The following KCNK17 variants were observed in gnomAD, a reference collection of about 807,000 sequenced individuals.
KCNK17 encodes the protein potassium two pore domain channel subfamily K member 17, also known as potassium channel subfamily K member 17.
A neutral mutation model predicts 24.6 loss-of-function variants in KCNK17; 27 were observed. The observed-to-expected ratio is 1.10, with a 90% CI of 0.81 to 1.51. KCNK17 has a LOEUF of 1.51. Among genes scored for constraint, KCNK17 ranks in the 40% most tolerant of loss-of-function variants. The probability of loss-of-function intolerance (pLI) is 0.00; values close to 1 mark genes in which losing one functional copy is unlikely to be tolerated. For synonymous variants in KCNK17, 181 were observed against 189.8 expected (o/e 0.95, Z 0.38); for missense variants, 450 against 436.6 (o/e 1.03, Z -0.27).
intron 4 of KCNK17, among the ~76,000 whole-genome samples, 188 bp from the exon 5 acceptor site, chr6:39,299,925 G>C (rs1761921576): frequency 6.6e-6 from 1 of 152,216 alleles, no homozygotes; most frequent in African/African-American, 2.4e-5. Context: ...ATTGGCACTT[G>C]GGTTTAGGAG....
chr6:39,303,970 G>A lies in KCNK17; in HGVS notation c.675C>T (p.Gly225=), dbSNP rs370882564. ...AFITLSTVGF[G]DYVIGMNPSQ... ...AGGAACTCTCACCAATCACGTAGTC[G>A]CCGAAGCCCACGGTGCTGAGGGTGA... The change falls in exon 4 of 5, where the codon GGC becomes GGT. Residue 225 remains glycine, a synonymous_variant. Coordinates refer to ENST00000373231, the MANE Select transcript of KCNK17 (RefSeq NM_031460.4). The A allele has an allele frequency of 1.3e-4, 211 of 1,612,632 alleles. 4 individuals carry two copies. In the South Asian group the frequency reaches 2.0e-3, roughly 15 times the overall value.
At position 39,304,035 on chromosome 6, in the gene KCNK17, C is replaced by T. The variant is rs755880542; in HGVS notation, c.610G>A (p.Glu204Lys). The T allele has an allele frequency of 6.2e-7, 1 of 1,613,920 alleles. No individual in the cohort carries two copies. The highest frequency in any genetic ancestry group is 1.1e-5 in the South Asian group (1 of 91,088). Reference protein sequence around the residue: ...LLPPLLFSHMEGWSYTEGFYF... With the variant: ...LLPPLLFSHMKGWSYTEGFYF... ...AAGCCCTCTGTGTAGCTCCAGCCCT[C>T]CATGTGGGAGAAGAGCAGCGGTGGC... Residue 204 changes from glutamate to lysine, a missense_variant, in exon 4 of 5, where the codon GAG becomes AAG. Glu to Lys is a moderately conservative substitution (Grantham distance 56, BLOSUM62 1). Coordinates refer to ENST00000373231, the MANE Select transcript of KCNK17 (RefSeq NM_031460.4).
chr6:39,303,868 C>T (rs1292298431), intron 4 of KCNK17, 89 bp downstream of exon 4: 2 of 1,443,934 alleles, frequency 1.4e-6, no homozygotes, highest in Non-Finnish European at 9.5e-7. Context: ...ATGGCGTGCA[C>T]ACAGCAGGTG....
intron 2 of KCNK17, among the ~76,000 whole-genome samples, chr6:39,307,466 A>C (rs1351022779): frequency 6.6e-6 from 1 of 150,522 alleles, no homozygotes; most frequent in East Asian, 1.9e-4. Flanking sequence ...CTCCTCACCA[A>C]CCCCTCCTCC....
intron 2 of KCNK17, among the ~76,000 whole-genome samples, chr6:39,308,327 A>G (rs563400334): frequency 8.5e-5 from 13 of 152,288 alleles, no homozygotes; most frequent in South Asian, 4.1e-4. Flanking sequence ...GTCTTGCTCT[A>G]TTGCCTAGGC....
chr6:39,302,677 G>A (rs1294329008), intron 4 of KCNK17, among the ~76,000 whole-genome samples: 1 of 152,204 alleles, frequency 6.6e-6, no homozygotes, highest in Admixed American at 6.5e-5. Context: ...ACTCTGAGCT[G>A]CGAGGGTGCA....
intron 4 of KCNK17, among the ~76,000 whole-genome samples, chr6:39,303,414 G>A (rs1161318892): frequency 6.6e-6 from 1 of 152,192 alleles, no homozygotes; most frequent in Admixed American, 6.5e-5. Flanking sequence ...TGGCTTCTAG[G>A]GCCCTTGTCT....
intron 4 of KCNK17, among the ~76,000 whole-genome samples, chr6:39,302,445 G>C (rs895586819): frequency 3.3e-5 from 5 of 152,220 alleles, no homozygotes; most frequent in Admixed American, 2.6e-4. Context: ...AGCTGGGCAG[G>C]TGACATCATA....
Position 39,302,730 on chromosome 6 carries a change from T to C in KCNK17, c.688+1227A>G, listed in dbSNP as rs1277231760. The stretch of plus-strand genomic sequence containing the variant: ...TACTGGGCTCAGCTGTCCTGGGACA[T>C]ATCTCTCTACTCTGAGGGTAAAGGT... On this transcript the variant is annotated intron_variant, in intron 4 of 4. Transcript: ENST00000373231. Among the ~76,000 whole-genome samples, 2 of 152,126 alleles carry C rather than the reference T, an allele frequency of 1.3e-5. 1 individual carries two copies. Among genetic ancestry groups the C allele is most frequent in the Non-Finnish European group, 2.9e-5 (2 of 68,008 alleles).
At chr6:39,314,027 C>A in intron 1 of KCNK17, 57 bp downstream of exon 1, 2 of 1,376,992 alleles carry the variant, frequency 1.5e-6, no homozygotes, top group Non-Finnish European at 1.9e-6. Context: ...GGCCCGTACA[C>A]CCCGCGGCCC....
intron 2 of KCNK17, among the ~76,000 whole-genome samples, chr6:39,308,803 A>G (rs1479840029): frequency 6.6e-6 from 1 of 152,136 alleles, no homozygotes; most frequent in Non-Finnish European, 1.5e-5. Context: ...AGCCTCTCAG[A>G]ATATCCCTTC....
chr6:39,300,501 C>T (rs535638352), intron 4 of KCNK17: 86 of 1,551,122 alleles, frequency 5.5e-5, no homozygotes, highest in Non-Finnish European at 7.0e-5. Context: ...TTGGTTTTCT[C>T]GTATCTGAAA....
At chr6:39,310,519 G>A (rs967735665) in intron 2 of KCNK17, among the ~76,000 whole-genome samples, 7 of 152,064 alleles carry the variant, frequency 4.6e-5, no homozygotes, top group Non-Finnish European at 8.8e-5. Context: ...CACCACTCCC[G>A]GGGCTCAGTG....
chr6:39,306,783 T>G (rs1463357751), intron 2 of KCNK17, among the ~76,000 whole-genome samples: 1 of 136,926 alleles, frequency 7.3e-6, no homozygotes, highest in Non-Finnish European at 1.6e-5. Context: ...TTTTTTTTTT[T>G]GTGACAGAGT....
Position 39,314,297 on chromosome 6 carries a change from C to T in KCNK17, c.24G>A (p.Ala8=), listed in dbSNP as rs1762226015. The T allele has an allele frequency of 2.2e-5, 32 of 1,460,378 alleles. No individual in the cohort carries two copies. Among genetic ancestry groups the T allele is most frequent in the Non-Finnish European group, 2.7e-5 (30 of 1,109,816 alleles). The allele number at this position is 1,460,378 out of a possible 1,614,324, so 90.5% of individuals were successfully genotyped here. A position where few individuals can be genotyped will look rare whatever the true frequency, so the allele number is the denominator to read the frequency against. The change falls in exon 1 of 5, where the codon GCG becomes GCA. Residue 8 remains alanine (A), a synonymous_variant. Coordinates refer to ENST00000373231, the MANE Select transcript of KCNK17 (RefSeq NM_031460.4). Reference sequence around the variant, plus strand: ...AGCCCCGGACCCTGCCCTCGGGAGCCGCCCGGGCTCGCGGTCGGTACATAG... The same window carrying T: ...AGCCCCGGACCCTGCCCTCGGGAGCTGCCCGGGCTCGCGGTCGGTACATAG... MYRPRAR[A]APEGRVRGCA...
chr6:39,310,784 G>T, intron 2 of KCNK17, 109 bp downstream of exon 2: 2 of 685,588 alleles, frequency 2.9e-6, no homozygotes, highest in Non-Finnish European at 4.9e-6. Flanking sequence ...AACTGCACTT[G>T]GAGTCATGAG....
At chr6:39,308,756 AG>A (rs1430646170) in intron 2 of KCNK17, among the ~76,000 whole-genome samples, 9 of 152,206 alleles carry the variant, frequency 5.9e-5, no homozygotes, top group African/African-American at 2.2e-4. Flanking sequence ...TGCTGGTCCC[AG>A]GGTAATGGGT....
intron 4 of KCNK17, among the ~76,000 whole-genome samples, chr6:39,301,026 G>A (rs1251561271): frequency 6.6e-6 from 1 of 152,206 alleles, no homozygotes; most frequent in Non-Finnish European, 1.5e-5. Context: ...GGCTGATGCA[G>A]CTCAAGTGCT....
Position 39,310,874 on chromosome 6 carries a change from G to T in KCNK17, c.352+19C>A, listed in dbSNP as rs769893520. The T allele has an allele frequency of 6.9e-7, 1 of 1,440,586 alleles. No individual in the cohort carries two copies. The highest frequency in any genetic ancestry group is 9.6e-7 in the Non-Finnish European group (1 of 1,037,838). The allele number at this position is 1,440,586 out of a possible 1,614,324, so 89.2% of individuals were successfully genotyped here. ...CTCCTTCCCCCACCCCCATCCCCCT[G>T]GCCCCATCTGGCCCTTACCAATGGT... On this transcript the variant is annotated intron_variant, in intron 2 of 4. Coordinates refer to ENST00000373231, the MANE Select transcript of KCNK17 (RefSeq NM_031460.4).
Sources: allele counts gnomAD v4.1 joint callset (sites outside exome capture counted in the v4.1 genomes callset), GRCh38; gene constraint gnomAD v4.1.1; transcripts MANE v1.5; gene names NCBI Gene and HGNC (gene_info 2026-07-23, HGNC 2026-07-21).